SCN10A: variants seen among roughly 807,000 people sequenced by gnomAD.
The protein encoded by SCN10A is sodium channel protein type 10 subunit alpha.
In SCN10A, 162 loss-of-function variants were observed where a neutral mutation model predicts 170.7. The ratio of observed to expected loss-of-function variants is 0.95; its 90% CI spans 0.84 to 1.08. The LOEUF is 1.08. Ranked by LOEUF, SCN10A falls within the 50% of genes least tolerant of loss-of-function variation. The pLI is 0.00. For missense variants in SCN10A, 2,527 were observed against 2,436.9 expected (o/e 1.04, Z -0.78); for synonymous variants, 985 against 904.6 (o/e 1.09, Z -1.59).
chr3:38,784,015 C>CCTATTCAAATTTTGTG (rs2064169320), intron 4 of SCN10A, among the ~76,000 whole-genome samples: 1 of 152,044 alleles, frequency 6.6e-6, no homozygotes, highest in African/African-American at 2.4e-5. Context: ...TTGTAAAGTG[C>CCTATTCAAATTTTGTG]CTATTCAAAT....
intron 15 of SCN10A, among the ~76,000 whole-genome samples, chr3:38,731,185 G>A (rs1487058505): frequency 6.6e-6 from 1 of 152,092 alleles, no homozygotes; most frequent in Non-Finnish European, 1.5e-5. Flanking sequence ...GCTAATTGTT[G>A]GAATACTATC....
chr3:38,766,381 T>C (rs540247915), intron 5 of SCN10A, among the ~76,000 whole-genome samples: 4 of 152,214 alleles, frequency 2.6e-5, no homozygotes, highest in Non-Finnish European at 4.4e-5. Context: ...TTGTCATAGA[T>C]GGCTTTTATT....
At chr3:38,719,610 G>T (rs926734620) in intron 20 of SCN10A, among the ~76,000 whole-genome samples, 9 of 151,662 alleles carry the variant, frequency 5.9e-5, no homozygotes, top group Non-Finnish European at 1.3e-4. Flanking sequence ...AGCCGGGATG[G>T]TCTCGATCTC....
In SCN10A at chr3:38,742,496, C is replaced by G. The variant is rs1303298626; in HGVS notation, c.1901G>C (p.Cys634Ser). 3 of 1,614,200 alleles carry G rather than the reference C, an allele frequency of 1.9e-6. No homozygotes were observed. The highest frequency in any genetic ancestry group is 2.5e-6 in the Non-Finnish European group (3 of 1,180,036). Residue 634 changes from cysteine (C) to serine (S), a missense_variant, in exon 14 of 28, where the codon TGC becomes TCC. Cys to Ser is a moderately radical substitution (Grantham distance 112). Coordinates refer to ENST00000449082, the MANE Select transcript of SCN10A (RefSeq NM_006514.4). ...ATACTTCTGAGACAAGCTGGTCAAG[C>G]AGGGTGGGCACTTCTGTTCAGACTC... ...LEESEQKCPP[C>S]LTSLSQKYLI...
chr3:38,698,216 G>A lies in SCN10A; in HGVS notation c.5004C>T (p.Ser1668=), dbSNP rs769737839. The change falls in exon 28 of 28, where the codon AGC becomes AGT. Residue 1668 remains serine (S), a synonymous_variant. Transcript: ENST00000449082. ...TTSAGWDGLL[S]PILNTGPPYC... The stretch of plus-strand genomic sequence containing the variant: ...AGGGGGGCCCTGTGTTGAGGATGGG[G>A]CTGAGGAGGCCATCCCAGCCGGCCG... The A allele has an allele frequency of 6.2e-7, 1 of 1,614,056 alleles. No homozygotes were observed. Among genetic ancestry groups the A allele is most frequent in the Non-Finnish European group, 8.5e-7 (1 of 1,180,026 alleles).
intron 22 of SCN10A, 129 bp downstream of exon 22, chr3:38,713,829 T>G: frequency 9.5e-7 from 1 of 1,053,084 alleles, no homozygotes; most frequent in Non-Finnish European, 1.4e-6. Context: ...GGTTTCGGCA[T>G]GTTGGCCAGG....
intron 14 of SCN10A, among the ~76,000 whole-genome samples, chr3:38,741,993 G>A (rs1397192529): frequency 6.6e-6 from 1 of 152,156 alleles, no homozygotes; most frequent in African/African-American, 2.4e-5. Context: ...AAATTCAAGT[G>A]GTTGTCCTAT....
intron 4 of SCN10A, among the ~76,000 whole-genome samples, chr3:38,779,731 A>C (rs1394651725): frequency 6.6e-6 from 1 of 151,908 alleles, no homozygotes; most frequent in Non-Finnish European, 1.5e-5. Context: ...CTTCCCTCGA[A>C]ATTATATAAT....
Position 38,757,176 on chromosome 3 carries a change from G to A in SCN10A, c.951-17C>T. ...GGGCAGTGGCTGCAGCAAGAACAGA[G>A]AAGGTCATCCCCTGCTTATTGCAGA... is the stretch of plus-strand genomic sequence containing the variant. On this transcript the variant is annotated splice_polypyrimidine_tract_variant and intron_variant, in intron 8 of 27. Coordinates refer to ENST00000449082, the MANE Select transcript of SCN10A (RefSeq NM_006514.4). The A allele has an allele frequency of 5.7e-6, 9 of 1,581,670 alleles. No homozygotes were observed. Among genetic ancestry groups the A allele is most frequent in the Non-Finnish European group, 7.7e-6 (9 of 1,165,566 alleles).
intron 24 of SCN10A, 124 bp downstream of exon 24, chr3:38,710,720 T>G (rs1452510340): frequency 1.2e-6 from 1 of 852,694 alleles, no homozygotes; most frequent in African/African-American, 1.7e-5. Flanking sequence ...GGAGGGACAG[T>G]GTGAGGTTGC....
intron 1 of SCN10A, among the ~76,000 whole-genome samples, chr3:38,795,518 T>A (rs9828912): frequency 0.38 from 57,548 of 150,714 alleles, 11,288 homozygotes; most frequent in Admixed American, 0.44. Flanking sequence ...TTTGAAAAAA[T>A]TTTTTTGTAG....
At chr3:38,741,385 T>C (rs1215935793) in intron 14 of SCN10A, among the ~76,000 whole-genome samples, 1 of 152,206 alleles carries the variant, frequency 6.6e-6, no homozygotes, top group Non-Finnish European at 1.5e-5. Flanking sequence ...AGCCGGTCTG[T>C]CTGGGTTCAA....
intron 5 of SCN10A, among the ~76,000 whole-genome samples, chr3:38,766,302 TG>T (rs2063932241): frequency 6.6e-6 from 1 of 152,138 alleles, no homozygotes. Flanking sequence ...TGGGCATCCT[TG>T]TCTTGTTTCA....
intron 5 of SCN10A, among the ~76,000 whole-genome samples, chr3:38,767,065 G>T (rs1444715912): frequency 6.6e-6 from 1 of 151,630 alleles, no homozygotes; most frequent in Admixed American, 6.6e-5. Context: ...TATTTCTGTG[G>T]TATCAGTTGT....
chr3:38,786,608 C>T (rs751875406), intron 4 of SCN10A, among the ~76,000 whole-genome samples: 21 of 152,076 alleles, frequency 1.4e-4, no homozygotes, highest in Non-Finnish European at 2.4e-4. Context: ...GCACATGTAC[C>T]CCAGAACTTA....
Position 38,708,159 on chromosome 3 carries a change from G to A in SCN10A, c.4282-776C>T, listed in dbSNP as rs551469899. Among the ~76,000 whole-genome samples, 351 of 152,274 alleles carry A rather than the reference G, an allele frequency of 2.3e-3. 9 individuals are homozygous for A. Among genetic ancestry groups the A allele is most frequent in the Admixed American group, 0.023 (349 of 15,304 alleles). On this transcript the variant is annotated intron_variant, in intron 25 of 27. Transcript: ENST00000449082. ...ATCTGTGGAATTTGAAAGGAGATCT[G>A]AGAAGATCTGTGGACACAAAGGGCT...
intron 5 of SCN10A, among the ~76,000 whole-genome samples, chr3:38,766,995 A>T (rs2063939872): frequency 6.6e-6 from 1 of 151,646 alleles, no homozygotes; most frequent in African/African-American, 2.4e-5. Context: ...CATCTCCTCT[A>T]AATTTTCTAG....
intron 1 of SCN10A, among the ~76,000 whole-genome samples, chr3:38,809,180 G>A (rs2064424094): frequency 6.6e-6 from 1 of 152,182 alleles, no homozygotes; most frequent in African/African-American, 2.4e-5. Flanking sequence ...ATCAGGACTG[G>A]GTTGGATCAC....
intron 25 of SCN10A, among the ~76,000 whole-genome samples, 166 bp from the exon 26 acceptor site, chr3:38,707,549 G>C (rs1044908535): frequency 2.0e-5 from 3 of 152,162 alleles, no homozygotes; most frequent in Non-Finnish European, 4.4e-5. Context: ...GTGTCGGAAC[G>C]GTGGGACTGA....
Sources: gnomAD v4.1 joint callset for allele counts (sites outside exome capture counted in the v4.1 genomes callset) on GRCh38, gnomAD v4.1.1 for gene constraint, MANE v1.5 for transcripts, NCBI Gene and HGNC (gene_info 2026-07-23, HGNC 2026-07-21) for gene names.